SRRM5: variants seen among roughly 807,000 people sequenced by gnomAD.
SRRM5 encodes the protein serine/arginine repetitive matrix protein 5.
Under a neutral mutation model 1.3 loss-of-function variants are expected in SRRM5, and 1 was observed. The ratio of observed to expected loss-of-function variants is 0.76; its 90% confidence interval spans 0.27 to 3.59. SRRM5 has a LOEUF of 3.59. Among genes scored for constraint, SRRM5 ranks in the 30% most tolerant of loss-of-function variants. SRRM5 has a pLI of 0.19. For synonymous variants in SRRM5, 275 were observed against 320.2 expected (o/e 0.86, Z 1.51); for missense variants, 875 against 914.5 (o/e 0.96, Z 0.56).
In SRRM5 at chr19:43,612,194, G is replaced by A. The variant is rs781040590; in HGVS notation, c.73G>A (p.Asp25Asn). 81 of 1,551,542 alleles carry A rather than the reference G, an allele frequency of 5.2e-5. No individual in the cohort carries two copies. Among genetic ancestry groups the A allele is most frequent in the Non-Finnish European group, 6.5e-5 (74 of 1,146,994 alleles). ...CAGTGGATCCTCCATGCCCACTGCG[G>A]ATCCCAAGCCTCCTGCCTCCTTGAA... ...APSGSSMPTADPKPPASLKST... is the reference protein window; with the variant it reads ...APSGSSMPTANPKPPASLKST... Residue 25 changes from aspartate (D) to asparagine (N), a missense_variant, in exon 1 of 1, where the codon GAT (aspartate) becomes AAT (asparagine). Physicochemically the swap from Asp to Asn is conservative, Grantham distance 23 (BLOSUM62 1). Coordinates refer to ENST00000417606, the MANE Select transcript of SRRM5 (RefSeq NM_001145641.2). This position sits in a 1 kb window ranked among gnomAD's most constrained non-coding sequence, Gnocchi z 4.2.
rs538676286 is a variant in SRRM5 at position 43,612,192 on chromosome 19, C to T, written c.71C>T (p.Ala24Val). The change falls in exon 1 of 1, where the codon GCG becomes GTG. Residue 24 changes from alanine (A) to valine (V), a missense_variant. Physicochemically the swap from Ala to Val is moderately conservative, Grantham distance 64. Coordinates refer to ENST00000417606, the MANE Select transcript of SRRM5 (RefSeq NM_001145641.2). The surrounding 1 kb of genome is among the most constrained non-coding windows in gnomAD (Gnocchi z 4.2). ...CCCAGTGGATCCTCCATGCCCACTG[C>T]GGATCCCAAGCCTCCTGCCTCCTTG... is the stretch of plus-strand genomic sequence containing the variant. ...LAPSGSSMPT[A>V]DPKPPASLKS... 110 of 1,551,686 alleles carry T rather than the reference C, an allele frequency of 7.1e-5. No homozygotes were observed. In the Admixed American group the frequency reaches 1.1e-3, roughly 15 times the overall value.
Position 43,612,316 on chromosome 19 carries a change from C to A in SRRM5, c.195C>A (p.Thr65=). 6.4e-7 allele frequency: 1 copy of A among 1,551,644 alleles called. No individual in the cohort carries two copies. The highest frequency in any genetic ancestry group is 8.7e-7 in the Non-Finnish European group (1 of 1,147,002). The part of the protein sequence containing the change: ...SVMSPSSSKS[T]KSTSTKRAPS... Reference sequence around the variant, plus strand: ...TGAGCCCAAGCAGTTCCAAGTCCACCAAATCGACCAGTACAAAAAGAGCCC... The same window carrying A: ...TGAGCCCAAGCAGTTCCAAGTCCACAAAATCGACCAGTACAAAAAGAGCCC... Residue 65 remains threonine (T), a synonymous_variant, in exon 1 of 1, where the codon ACC becomes ACA. Transcript: ENST00000417606. This position sits in a 1 kb window ranked among gnomAD's most constrained non-coding sequence, Gnocchi z 4.2.
rs1462448639 is a variant in SRRM5 at position 43,612,321 on chromosome 19, C to T, written c.200C>T (p.Ser67Leu). ...CCAAGCAGTTCCAAGTCCACCAAAT[C>T]GACCAGTACAAAAAGAGCCCCTTCT... ...MSPSSSKSTKSTSTKRAPSNR... is the reference protein window; with the variant it reads ...MSPSSSKSTKLTSTKRAPSNR... The change falls in exon 1 of 1, where the codon TCG becomes TTG. Residue 67 changes from serine to leucine, a missense_variant. By Grantham distance (145) the Ser-to-Leu change is moderately radical (BLOSUM62 -2). Transcript: ENST00000417606. This position sits in a 1 kb window ranked among gnomAD's most constrained non-coding sequence, Gnocchi z 4.2. The T allele has an allele frequency of 3.9e-6, 6 of 1,551,554 alleles. No individual in the cohort carries two copies. The highest frequency in any genetic ancestry group is 2.4e-5 in the East Asian group (1 of 40,934).
Position 43,613,596 on chromosome 19 carries a change from G to A in SRRM5, c.1475G>A (p.Ser492Asn). ...ERDHSQLGSP[S>N]KERDHRRSRS... ...GATCACAGCCAACTTGGAAGCCCCA[G>A]CAAAGAGAGAGATCACAGACGATCT... Residue 492 changes from serine (S) to asparagine (N), a missense_variant, in exon 1 of 1, where the codon AGC (serine) becomes AAC (asparagine). Transcript: ENST00000417606. The A allele has an allele frequency of 1.9e-6, 3 of 1,550,862 alleles. No homozygotes were observed. Among genetic ancestry groups the A allele is most frequent in the Non-Finnish European group, 2.6e-6 (3 of 1,146,678 alleles).
rs143607966 is a variant in SRRM5 at position 43,613,226 on chromosome 19, A to G, written c.1105A>G (p.Arg369Gly). The change falls in exon 1 of 1, where the codon AGA becomes GGA. Residue 369 changes from arginine (R) to glycine (G), a missense_variant. By Grantham distance (125) the Arg-to-Gly change is moderately radical (BLOSUM62 -2). Transcript: ENST00000417606. ...CAAGGAAAGAAGTCATAGCCATTCC[A>G]GAAGCTCCAGCAAAGAGAGAGATCA... ...PSKERSHSHS[R>G]SSSKERDHRG... The G allele has an allele frequency of 3.0e-5, 47 of 1,551,664 alleles. No individual in the cohort carries two copies. The African/African-American group carries it at 5.2e-4, about 17-fold the overall frequency.
rs370755726 is a variant in SRRM5 at position 43,614,148 on chromosome 19, C to T, written c.2027C>T (p.Pro676Leu). 2 of 1,613,454 alleles carry T rather than the reference C, an allele frequency of 1.2e-6. No individual in the cohort carries two copies. The highest frequency in any genetic ancestry group is 1.7e-6 in the Non-Finnish European group (2 of 1,179,702). ...CCTAGCAAGACAAGCAGCCACTCCC[C>T]ATCAACATTTCCCAGTGGGGGCCAA... Reference protein sequence around the residue: ...RTPSKTSSHSPSTFPSGGQTL... With the variant: ...RTPSKTSSHSLSTFPSGGQTL... Residue 676 changes from proline (P) to leucine (L), a missense_variant, in exon 1 of 1, where the codon CCA (proline) becomes CTA (leucine). Physicochemically the swap from Pro to Leu is moderately conservative, Grantham distance 98. Transcript: ENST00000417606.
chr19:43,613,082 G>C lies in SRRM5; in HGVS notation c.961G>C (p.Gly321Arg). 6.4e-7 allele frequency: 1 copy of C among 1,551,522 alleles called. No homozygotes were observed. Among genetic ancestry groups the C allele is most frequent in the Non-Finnish European group, 8.7e-7 (1 of 1,146,968 alleles). Residue 321 changes from glycine to arginine, a missense_variant, in exon 1 of 1, where the codon GGA becomes CGA. By Grantham distance (125) the Gly-to-Arg change is moderately radical. Coordinates refer to ENST00000417606, the MANE Select transcript of SRRM5 (RefSeq NM_001145641.2). ...HSRARSRTRK[G>R]ILSQMGRHSQ... ...CAGGGCAAGAAGTCGCACCCGGAAGGGAATTCTGAGCCAGATGGGAAGACA... is the reference window on the plus strand; with the variant it reads ...CAGGGCAAGAAGTCGCACCCGGAAGCGAATTCTGAGCCAGATGGGAAGACA...
chr19:43,614,221 C>T lies in SRRM5; in HGVS notation c.2100C>T (p.Ala700=). Residue 700 remains alanine, a synonymous_variant, in exon 1 of 1, where the codon GCC becomes GCT. Transcript: ENST00000417606. ...DSQADATTSK[A]TLPGERSSSS... is the part of the protein sequence containing the mutation. ...AAGCCGACGCCACCACCTCTAAGGC[C>T]ACCTTACCTGGGGAAAGGTCTTCAT... is the stretch of plus-strand genomic sequence containing the variant. 6.2e-7 allele frequency: 1 copy of T among 1,614,216 alleles called. No individual in the cohort carries two copies. Among genetic ancestry groups the T allele is most frequent in the Non-Finnish European group, 8.5e-7 (1 of 1,180,032 alleles).
Position 43,612,905 on chromosome 19 carries a change from A to G in SRRM5, c.784A>G (p.Met262Val). ...SREKSYSPTE[M>V]SSRVKSYNQA... ...GGAAAAGAGTTACAGCCCCACTGAA[A>G]TGTCCAGCAGGGTCAAGAGTTATAA... The change falls in exon 1 of 1, where the codon ATG becomes GTG. Residue 262 changes from methionine (M) to valine (V), a missense_variant. Transcript: ENST00000417606. This position sits in a 1 kb window ranked among gnomAD's most constrained non-coding sequence, Gnocchi z 4.2. 2 of 1,551,718 alleles carry G rather than the reference A, an allele frequency of 1.3e-6. No homozygotes were observed. The highest frequency in any genetic ancestry group is 8.7e-7 in the Non-Finnish European group (1 of 1,146,984).
Position 43,612,469 on chromosome 19 carries a change from C to T in SRRM5, c.348C>T (p.Gly116=). ...ACGTGAGATGCCACCAGCGGAGGGG[C>T]ACACACAGCCGGGGTAGGACACCTG... ...ASDVRCHQRR[G]THSRGRTPGR... is the part of the protein sequence containing the mutation. Residue 116 remains glycine, a synonymous_variant, in exon 1 of 1, where the codon GGC becomes GGT. Coordinates refer to ENST00000417606, the MANE Select transcript of SRRM5 (RefSeq NM_001145641.2). The surrounding 1 kb of genome is among the most constrained non-coding windows in gnomAD (Gnocchi z 4.2). 1 of 1,545,818 alleles carries T rather than the reference C, an allele frequency of 6.5e-7. No homozygotes were observed. Among genetic ancestry groups the T allele is most frequent in the Non-Finnish European group, 8.8e-7 (1 of 1,142,280 alleles).
rs3815422 is a variant in SRRM5 at position 43,614,036 on chromosome 19, A to C, written c.1915A>C (p.Ser639Arg). The C allele has an allele frequency of 0.16, 243,574 of 1,551,824 alleles. 20,097 individuals are homozygous for C. Among genetic ancestry groups the C allele is most frequent in the East Asian group, 0.24 (9,994 of 40,916 alleles). Reference sequence around the variant, plus strand: ...CCAATCTAGAACCTCTAGCAAGGAGAGCGACCCCAGTCAATCTACAGTCCC... The same window carrying C: ...CCAATCTAGAACCTCTAGCAAGGAGCGCGACCCCAGTCAATCTACAGTCCC... ...HSQSRTSSKESDPSQSTVPRS... is the reference protein window; with the variant it reads ...HSQSRTSSKERDPSQSTVPRS... The change falls in exon 1 of 1, where the codon AGC becomes CGC. Residue 639 changes from serine to arginine, a missense_variant. Physicochemically the swap from Ser to Arg is moderately radical, Grantham distance 110. Transcript: ENST00000417606.
chr19:43,612,865 G>A lies in SRRM5; in HGVS notation c.744G>A (p.Met248Ile). 6.4e-7 allele frequency: 1 copy of A among 1,551,678 alleles called. No individual in the cohort carries two copies. The highest frequency in any genetic ancestry group is 8.7e-7 in the Non-Finnish European group (1 of 1,146,992). Residue 248 changes from methionine to isoleucine, a missense_variant, in exon 1 of 1, where the codon ATG (methionine) becomes ATA (isoleucine). Met to Ile is a conservative substitution (Grantham distance 10, BLOSUM62 1). Coordinates refer to ENST00000417606, the MANE Select transcript of SRRM5 (RefSeq NM_001145641.2). The surrounding 1 kb of genome is among the most constrained non-coding windows in gnomAD (Gnocchi z 4.2). Reference protein sequence around the residue: ...SSRKVKSYGQMIIPSREKSYS... With the variant: ...SSRKVKSYGQIIIPSREKSYS... Reference sequence around the variant, plus strand: ...GGAAGGTGAAGAGCTACGGTCAGATGATCATCCCCAGTAGGGAAAAGAGTT... The same window carrying A: ...GGAAGGTGAAGAGCTACGGTCAGATAATCATCCCCAGTAGGGAAAAGAGTT...
Position 43,614,057 on chromosome 19 carries a change from G to A in SRRM5, c.1936G>A (p.Val646Ile), listed in dbSNP as rs775980084. The A allele has an allele frequency of 2.9e-5, 45 of 1,553,192 alleles. No individual in the cohort carries two copies. The highest frequency in any genetic ancestry group is 3.8e-5 in the Non-Finnish European group (44 of 1,147,926). ...SKESDPSQSTVPRSPDWKRSP... is the reference protein window; with the variant it reads ...SKESDPSQSTIPRSPDWKRSP... Reference sequence around the variant, plus strand: ...GGAGAGCGACCCCAGTCAATCTACAGTCCCCAGAAGTCCCGACTGGAAGAG... The same window carrying A: ...GGAGAGCGACCCCAGTCAATCTACAATCCCCAGAAGTCCCGACTGGAAGAG... Residue 646 changes from valine to isoleucine, a missense_variant, in exon 1 of 1, where the codon GTC becomes ATC. Transcript: ENST00000417606.
chr19:43,612,407 A>AC lies in SRRM5; in HGVS notation c.288dup (p.Asp97ArgfsTer26). On this transcript the variant is annotated frameshift_variant, in exon 3 of 3. Transcript: ENST00000607544. LOFTEE classifies it low-confidence loss of function (END_TRUNC). This position sits in a 1 kb window ranked among gnomAD's most constrained non-coding sequence, Gnocchi z 4.2. ...AGCAAGAACACCCAGCAGGGTGAGC[A>AC]CCGACACCAGGACCAGCAAAGCCAG... The AC allele has an allele frequency of 6.4e-7, 1 of 1,551,692 alleles. No homozygotes were observed. Among genetic ancestry groups the AC allele is most frequent in the Non-Finnish European group, 8.7e-7 (1 of 1,147,000 alleles).
chr19:43,612,682 G>A lies in SRRM5; in HGVS notation c.561G>A (p.Gln187=), dbSNP rs919194661. The A allele has an allele frequency of 1.9e-6, 3 of 1,551,398 alleles. No homozygotes were observed. Among genetic ancestry groups the A allele is most frequent in the Non-Finnish European group, 1.7e-6 (2 of 1,146,990 alleles). The change falls in exon 1 of 1, where the codon CAG becomes CAA. Residue 187 remains glutamine, a synonymous_variant. Transcript: ENST00000417606. The surrounding 1 kb of genome is among the most constrained non-coding windows in gnomAD (Gnocchi z 4.2). ...RTSNRERSDS[Q]PRNLSKKSYR... Reference sequence around the variant, plus strand: ...GCAACAGGGAAAGGAGTGACAGCCAGCCTAGAAATCTGAGCAAGAAGAGTT... The same window carrying A: ...GCAACAGGGAAAGGAGTGACAGCCAACCTAGAAATCTGAGCAAGAAGAGTT...
rs555195261 is a variant in SRRM5, at chr19:43,612,428, G to A, written c.307G>A (p.Ala103Thr). The A allele has an allele frequency of 1.3e-6, 2 of 1,551,040 alleles. No homozygotes were observed. The highest frequency in any genetic ancestry group is 1.7e-6 in the Non-Finnish European group (2 of 1,146,800). The part of the protein sequence containing the change: ...RVSTDTRTSK[A>T]SKASDVRCHQ... ...GAGCACCGACACCAGGACCAGCAAA[G>A]CCAGCAAGGCCAGCGACGTGAGATG... Residue 103 changes from alanine to threonine, a missense_variant, in exon 1 of 1, where the codon GCC becomes ACC. Transcript: ENST00000417606. The surrounding 1 kb of genome is among the most constrained non-coding windows in gnomAD (Gnocchi z 4.2).
rs766707701 is a variant in SRRM5 at position 43,612,817 on chromosome 19, C to T, written c.696C>T (p.Asp232=). ...PTGIPSKEKS[D]NPSPSSSRKV... ...GAATTCCCTCCAAGGAGAAGAGTGACAACCCATCTCCATCCTCATCAAGGA... is the reference window on the plus strand; with the variant it reads ...GAATTCCCTCCAAGGAGAAGAGTGATAACCCATCTCCATCCTCATCAAGGA... The change falls in exon 1 of 1, where the codon GAC becomes GAT. Residue 232 remains aspartate (D), a synonymous_variant. Coordinates refer to ENST00000417606, the MANE Select transcript of SRRM5 (RefSeq NM_001145641.2). The surrounding 1 kb of genome is among the most constrained non-coding windows in gnomAD (Gnocchi z 4.2). 3 of 1,551,492 alleles carry T rather than the reference C, an allele frequency of 1.9e-6. No individual in the cohort carries two copies. In the African/African-American group the frequency reaches 4.1e-5, roughly 21 times the overall value.
rs1464489289 is a variant in SRRM5, at chr19:43,613,720, CAGACAATCT to C, written c.1603_1611del (p.Gln535_Arg537del). 1.3e-6 allele frequency: 2 copies of C among 1,551,288 alleles called. No individual in the cohort carries two copies. The highest frequency in any genetic ancestry group is 2.4e-5 in the South Asian group (2 of 84,046). On this transcript the variant is annotated inframe_deletion, in exon 1 of 1. Coordinates refer to ENST00000417606, the MANE Select transcript of SRRM5 (RefSeq NM_001145641.2). ...GAAGCCCCAGCAAGGAGAGACAGCG[CAGACAATCT>C]AGAAGCCCCAACAAGGAGAGAGATC...
In SRRM5 at chr19:43,612,222, C is replaced by T; in HGVS notation, c.101C>T (p.Ser34Phe). The T allele has an allele frequency of 6.4e-7, 1 of 1,551,718 alleles. No homozygotes were observed. The highest frequency in any genetic ancestry group is 8.7e-7 in the Non-Finnish European group (1 of 1,146,998). ...CCCAAGCCTCCTGCCTCCTTGAAGTCCACCAAATCAGCAACACCCAACAGA... is the reference window on the plus strand; with the variant it reads ...CCCAAGCCTCCTGCCTCCTTGAAGTTCACCAAATCAGCAACACCCAACAGA... Reference protein sequence around the residue: ...ADPKPPASLKSTKSATPNRSL... With the variant: ...ADPKPPASLKFTKSATPNRSL... The change falls in exon 1 of 1, where the codon TCC becomes TTC. Residue 34 changes from serine (S) to phenylalanine (F), a missense_variant. By Grantham distance (155) the Ser-to-Phe change is radical. Coordinates refer to ENST00000417606, the MANE Select transcript of SRRM5 (RefSeq NM_001145641.2). This position sits in a 1 kb window ranked among gnomAD's most constrained non-coding sequence, Gnocchi z 4.2.
Sources: allele counts gnomAD v4.1 joint callset, GRCh38; gene constraint gnomAD v4.1.1; non-coding constraint Gnocchi (gnomAD v3.1); transcripts MANE v1.5; gene names NCBI Gene and HGNC (gene_info 2026-07-23, HGNC 2026-07-21).